PLA2G4A: variants seen among roughly 807,000 people sequenced by gnomAD.
The protein encoded by PLA2G4A is phospholipase A2 group IVA.
PLA2G4A carries 40 observed loss-of-function variants against 81.9 expected under a neutral mutation model. The ratio of observed to expected loss-of-function variants is 0.49; its 90% CI spans 0.38 to 0.64. The LOEUF (loss-of-function observed/expected upper bound fraction) is 0.64. PLA2G4A is among the 30% of genes least tolerant of loss of function. The pLI, the probability that PLA2G4A is intolerant of heterozygous loss-of-function variation, is 0.00. For synonymous variants in PLA2G4A, 302 were observed against 296.9 expected (o/e 1.02, Z -0.18); for missense variants, 715 against 905.1 (o/e 0.79, Z 2.69).
At chr1:186,887,612 G>A (rs1315261154) in intron 3 of PLA2G4A, among the ~76,000 whole-genome samples, 1 of 152,102 alleles carries the variant, frequency 6.6e-6, no homozygotes, top group African/African-American at 2.4e-5. Flanking sequence ...CACATGTTTG[G>A]CTGAAAATAA....
At chr1:186,869,639 T>A (rs1002938267) in intron 2 of PLA2G4A, among the ~76,000 whole-genome samples, 1 of 152,228 alleles carries the variant, frequency 6.6e-6, no homozygotes. Context: ...TAATCAATTA[T>A]GAACTTTTCA....
chr1:186,843,593 G>A (rs927473808), intron 1 of PLA2G4A, among the ~76,000 whole-genome samples: 2 of 152,204 alleles, frequency 1.3e-5, no homozygotes, highest in African/African-American at 4.8e-5. Context: ...TTCAAGGAAA[G>A]GTACAAGGGT....
chr1:186,959,891 C>G (rs1263572416), intron 14 of PLA2G4A, among the ~76,000 whole-genome samples: 1 of 148,308 alleles, frequency 6.7e-6, no homozygotes, highest in Non-Finnish European at 1.5e-5. Context: ...AATTTTGCAA[C>G]CCCCATGCCA....
At chr1:186,945,718 G>T (rs1656315386) in intron 10 of PLA2G4A, among the ~76,000 whole-genome samples, 1 of 152,102 alleles carries the variant, frequency 6.6e-6, no homozygotes, top group Non-Finnish European at 1.5e-5. Flanking sequence ...CCAACAAGAA[G>T]AAGAATGAAG....
In PLA2G4A at chr1:186,925,917, G is replaced by T. The variant is rs189486587; in HGVS notation, c.559-6846G>T. 1.6e-4 allele frequency among the ~76,000 whole-genome samples: 25 copies of T among 152,330 alleles called. No homozygotes were observed. In the East Asian group the frequency reaches 4.6e-3, roughly 28 times the overall value. On this transcript the variant is annotated intron_variant, in intron 7 of 17. Transcript: ENST00000367466. The stretch of plus-strand genomic sequence containing the variant: ...TTTCAACCACCTAGCATAGTTCCTA[G>T]TATGGTAGATCCTTGGTGAATATTT...
intron 7 of PLA2G4A, among the ~76,000 whole-genome samples, chr1:186,922,541 G>A (rs1283607796): frequency 2.6e-5 from 4 of 152,158 alleles, no homozygotes; most frequent in Non-Finnish European, 5.9e-5. Flanking sequence ...ACCTAGGAGT[G>A]CTCTCAGGAT....
intron 1 of PLA2G4A, among the ~76,000 whole-genome samples, chr1:186,830,975 TTTC>T (rs1651553440): frequency 7.6e-6 from 1 of 131,672 alleles, no homozygotes; most frequent in East Asian, 2.3e-4. Flanking sequence ...TCTTTCTTTC[TTTC>T]TTTCTTTCTT....
intron 2 of PLA2G4A, among the ~76,000 whole-genome samples, chr1:186,854,668 G>A (rs901492895): frequency 6.6e-6 from 1 of 151,880 alleles, no homozygotes; most frequent in Non-Finnish European, 1.5e-5. Flanking sequence ...TTATCACTTA[G>A]CAATCATCAG....
chr1:186,935,468 A>T (rs377105496), intron 8 of PLA2G4A, among the ~76,000 whole-genome samples: 2 of 151,358 alleles, frequency 1.3e-5, no homozygotes, highest in East Asian at 1.9e-4. Context: ...GAGATGTAGG[A>T]AATAATGTAG....
At chr1:186,945,160 C>A (rs1656292589) in intron 10 of PLA2G4A, among the ~76,000 whole-genome samples, 1 of 152,066 alleles carries the variant, frequency 6.6e-6, no homozygotes, top group Non-Finnish European at 1.5e-5. Flanking sequence ...TAAGTAGGAG[C>A]AAGCATTATA....
chr1:186,842,043 C>CTT (rs34496849), intron 1 of PLA2G4A, among the ~76,000 whole-genome samples: 4 of 116,268 alleles, frequency 3.4e-5, no homozygotes, highest in African/African-American at 1.3e-4. Flanking sequence ...CATATCATAT[C>CTT]TTTTTTTTTT....
At chr1:186,956,031 T>G (rs1415419219) in intron 13 of PLA2G4A, 71 bp from the exon 14 acceptor site, 1 of 1,408,534 alleles carries the variant, frequency 7.1e-7, no homozygotes, top group African/African-American at 1.4e-5. Context: ...TGAGCCACCG[T>G]GCCCAGCCCA....
At chr1:186,851,021 T>G (rs1652354399) in intron 1 of PLA2G4A, among the ~76,000 whole-genome samples, 1 of 152,092 alleles carries the variant, frequency 6.6e-6, no homozygotes, top group Admixed American at 6.6e-5. Flanking sequence ...ATGCATTGAA[T>G]ATTTATTATG....
chr1:186,895,235 T>G (rs565476072), intron 5 of PLA2G4A, among the ~76,000 whole-genome samples: 1 of 152,350 alleles, frequency 6.6e-6, no homozygotes, highest in East Asian at 1.9e-4. Flanking sequence ...ATTAATTACA[T>G]AGATGACATT....
intron 1 of PLA2G4A, among the ~76,000 whole-genome samples, chr1:186,843,250 T>C (rs954526938): frequency 6.6e-6 from 1 of 152,216 alleles, no homozygotes; most frequent in African/African-American, 2.4e-5. Flanking sequence ...TTGGGAAATG[T>C]TTAACAAGTG....
intron 5 of PLA2G4A, among the ~76,000 whole-genome samples, chr1:186,903,243 G>GA (rs200437029): frequency 5.0e-4 from 73 of 145,796 alleles, no homozygotes; most frequent in East Asian, 2.0e-3. Flanking sequence ...TTTCTACCTA[G>GA]AAAAAAAAAA....
intron 15 of PLA2G4A, 60 bp from the exon 16 acceptor site, chr1:186,977,533 G>C: frequency 8.7e-7 from 1 of 1,143,210 alleles, no homozygotes; most frequent in Non-Finnish European, 1.3e-6. Flanking sequence ...ATTATGGTCA[G>C]ACCAACTGAA....
At chr1:186,902,889 A>G (rs1358287313) in intron 5 of PLA2G4A, among the ~76,000 whole-genome samples, 1 of 151,708 alleles carries the variant, frequency 6.6e-6, no homozygotes, top group African/African-American at 2.4e-5. Flanking sequence ...CAAAAAAAAA[A>G]AAAAGAAAAA....
intron 3 of PLA2G4A, among the ~76,000 whole-genome samples, chr1:186,889,363 C>G (rs1654052369): frequency 6.6e-6 from 1 of 152,174 alleles, no homozygotes; most frequent in Non-Finnish European, 1.5e-5. Context: ...GATATGCAGA[C>G]AATGGGTCTT....
Sources: allele counts gnomAD v4.1 joint callset (sites outside exome capture counted in the v4.1 genomes callset), GRCh38; gene constraint gnomAD v4.1.1; transcripts MANE v1.5; gene names NCBI Gene and HGNC (gene_info 2026-07-23, HGNC 2026-07-21).